The following CCDC126 variants were observed in gnomAD, a reference collection of about 807,000 sequenced individuals.
CCDC126 encodes the protein coiled-coil domain-containing protein 126.
In CCDC126, 5 loss-of-function variants were observed where a neutral mutation model predicts 11.7. The observed-to-expected ratio is 0.43, with a 90% confidence interval of 0.22 to 0.90. The LOEUF is 0.90. Ranked by LOEUF, CCDC126 falls within the 40% of genes least tolerant of loss-of-function variation. CCDC126 has a pLI of 0.27. For synonymous variants in CCDC126, 60 were observed against 61.9 expected, an observed-to-expected ratio of 0.97 and a Z score of 0.14; for missense variants, 150 against 163.1, an observed-to-expected ratio of 0.92 and a Z score of 0.44.
At chr7:23,626,019 T>C (rs1370101375) in intron 3 of CCDC126, among the ~76,000 whole-genome samples, 1 of 133,666 alleles carries the variant, frequency 7.5e-6, no homozygotes, top group Non-Finnish European at 1.7e-5. Flanking sequence ...TCTTTTGATT[T>C]TCAGTTGCCT....
intron 2 of CCDC126, among the ~76,000 whole-genome samples, chr7:23,609,454 A>G (rs1350744909): frequency 6.6e-6 from 1 of 152,116 alleles, no homozygotes; most frequent in African/African-American, 2.4e-5. Flanking sequence ...TACAGGTGTG[A>G]GCCACCATGC....
intron 3 of CCDC126, among the ~76,000 whole-genome samples, chr7:23,627,699 A>G (rs921679277): frequency 6.6e-6 from 1 of 152,110 alleles, no homozygotes; most frequent in African/African-American, 2.4e-5. Context: ...CCTGGGCTCA[A>G]GTGATCCTCC....
rs191258717 is a variant in CCDC126 at position 23,634,522 on chromosome 7, A to G, written c.239-8409A>G. Among the ~76,000 whole-genome samples, 3 of 152,362 alleles carry G rather than the reference A, an allele frequency of 2.0e-5. No homozygotes were observed. The East Asian group carries it at 5.8e-4, about 29-fold the overall frequency. On this transcript the variant is annotated intron_variant, in intron 3 of 3. Coordinates refer to ENST00000307471, the MANE Select transcript of CCDC126 (RefSeq NM_138771.4). Reference sequence around the variant, plus strand: ...ATGTGACATAAGTAGGGGGTCTGCAAGAGCATGTGTGCTTATGTTTGTGCC... The same window carrying G: ...ATGTGACATAAGTAGGGGGTCTGCAGGAGCATGTGTGCTTATGTTTGTGCC...
At chr7:23,617,720 C>T (rs1010632683) in intron 3 of CCDC126, among the ~76,000 whole-genome samples, 3 of 152,220 alleles carry the variant, frequency 2.0e-5, no homozygotes, top group African/African-American at 7.2e-5. Flanking sequence ...GCCACTTTCA[C>T]TTCTGATCAA....
At chr7:23,634,735 C>G (rs1476442196) in intron 3 of CCDC126, among the ~76,000 whole-genome samples, 1 of 152,016 alleles carries the variant, frequency 6.6e-6, no homozygotes, top group Non-Finnish European at 1.5e-5. Context: ...GTATTTTTTC[C>G]CCTCCGTCTC....
At chr7:23,636,797 C>A (rs1783231703) in intron 3 of CCDC126, among the ~76,000 whole-genome samples, 1 of 137,276 alleles carries the variant, frequency 7.3e-6, no homozygotes, top group Non-Finnish European at 1.6e-5. Flanking sequence ...CCCGCCCGGC[C>A]AGCCGCCCCG....
At chr7:23,600,256 GA>G (rs1190152093) in intron 2 of CCDC126, among the ~76,000 whole-genome samples, 1 of 151,748 alleles carries the variant, frequency 6.6e-6, no homozygotes, top group East Asian at 1.9e-4. Context: ...AAAATGATCT[GA>G]TATCTTGACA....
chr7:23,633,387 A>G (rs1422907171), intron 3 of CCDC126, among the ~76,000 whole-genome samples: 1 of 151,782 alleles, frequency 6.6e-6, no homozygotes, highest in Non-Finnish European at 1.5e-5. Flanking sequence ...TATTAAAAAT[A>G]CAAAAGATTA....
intron 2 of CCDC126, among the ~76,000 whole-genome samples, chr7:23,603,035 A>G (rs1392561057): frequency 1.2e-4 from 18 of 152,200 alleles, no homozygotes. Flanking sequence ...AACTGCATGT[A>G]GTAAAGGTTG....
intron 2 of CCDC126, among the ~76,000 whole-genome samples, chr7:23,602,822 A>G (rs1296379087): frequency 6.6e-6 from 1 of 151,746 alleles, no homozygotes; most frequent in African/African-American, 2.4e-5. Context: ...GCAGTTTATC[A>G]CAAACTGAGA....
chr7:23,600,375 C>CCG (rs1554359055), intron 2 of CCDC126, among the ~76,000 whole-genome samples: 6 of 56,152 alleles, frequency 1.1e-4, no homozygotes, highest in African/African-American at 3.9e-4. Flanking sequence ...TCTGTGTTAA[C>CCG]CCCCCCCCCC....
rs560014914 is a variant in CCDC126 at position 23,625,013 on chromosome 7, T to G, written c.238+13460T>G. Among the ~76,000 whole-genome samples the G allele has an allele frequency of 1.2e-3, 180 of 152,196 alleles. 1 individual carries two copies. Among genetic ancestry groups the G allele is most frequent in the African/African-American group, 3.7e-3 (153 of 41,524 alleles). On this transcript the variant is annotated intron_variant, in intron 3 of 3. Coordinates refer to ENST00000307471, the MANE Select transcript of CCDC126 (RefSeq NM_138771.4). The stretch of plus-strand genomic sequence containing the variant: ...GTGCTCCACCCTGCCGGGCTAATTT[T>G]TTGTTGTTGTTGTTGAGTCAGGGTC...
At chr7:23,623,140 ATTT>A (rs34633589) in intron 3 of CCDC126, among the ~76,000 whole-genome samples, 11 of 135,248 alleles carry the variant, frequency 8.1e-5, no homozygotes, top group East Asian at 2.2e-4. Context: ...TGCCCAGCTG[ATTT>A]TTTTTTTTTT....
rs564831727 is a variant in CCDC126 at position 23,605,998 on chromosome 7, G to C, written c.-145-5173G>C. ...TTGTTTTCTGTTTTTTTTTGTGTGT[G>C]TGTGTGTGTGATAACTATCCTAATG... On this transcript the variant is annotated intron_variant, in intron 2 of 3. Transcript: ENST00000307471. 1.4e-3 allele frequency among the ~76,000 whole-genome samples: 214 copies of C among 151,828 alleles called. 1 individual carries two copies. The highest frequency in any genetic ancestry group is 5.0e-3 in the African/African-American group (206 of 41,266).
intron 3 of CCDC126, among the ~76,000 whole-genome samples, chr7:23,625,566 AT>A (rs1212783955): frequency 6.8e-6 from 1 of 147,120 alleles, no homozygotes; most frequent in African/African-American, 2.5e-5. Context: ...GGCTGTTTGT[AT>A]TTCTTGTACA....
intron 3 of CCDC126, among the ~76,000 whole-genome samples, chr7:23,620,565 A>G (rs1003992920): frequency 6.8e-6 from 1 of 147,758 alleles, no homozygotes; most frequent in African/African-American, 2.5e-5. Flanking sequence ...TTTGCTGTGC[A>G]GAAGCTCTTT....
intron 3 of CCDC126, among the ~76,000 whole-genome samples, chr7:23,620,513 T>C (rs1214607870): frequency 6.6e-6 from 1 of 152,118 alleles, no homozygotes; most frequent in Non-Finnish European, 1.5e-5. Context: ...AAAAATTTTC[T>C]CCCATTTTGT....
In CCDC126 at chr7:23,611,539, C is replaced by T; in HGVS notation, c.224C>T (p.Ser75Phe). The T allele has an allele frequency of 6.2e-7, 1 of 1,603,040 alleles. No homozygotes were observed. Among genetic ancestry groups the T allele is most frequent in the Non-Finnish European group, 8.5e-7 (1 of 1,169,952 alleles). Reference sequence around the variant, plus strand: ...ACAGTGGATGTCGAGAACGGTGCTTCTATGGCAGGATATGGTAAGATAACC... The same window carrying T: ...ACAGTGGATGTCGAGAACGGTGCTTTTATGGCAGGATATGGTAAGATAACC... ...KNTVDVENGASMAGYADLKRT... is the reference protein window; with the variant it reads ...KNTVDVENGAFMAGYADLKRT... Residue 75 changes from serine to phenylalanine, a missense_variant, in exon 3 of 4, where the codon TCT becomes TTT. Physicochemically the swap from Ser to Phe is radical, Grantham distance 155. Transcript: ENST00000307471.
Position 23,611,356 on chromosome 7 carries a change from T to A in CCDC126, c.41T>A (p.Leu14Ter). 6.2e-7 allele frequency: 1 copy of A among 1,613,600 alleles called. No individual in the cohort carries two copies. Among genetic ancestry groups the A allele is most frequent in the Non-Finnish European group, 8.5e-7 (1 of 1,179,668 alleles). The change falls in exon 3 of 4, where the codon TTG becomes TAG. Residue 14 changes from leucine to a stop codon, truncating the protein, a stop_gained. Coordinates refer to ENST00000307471, the MANE Select transcript of CCDC126 (RefSeq NM_138771.4). LOFTEE classifies it high-confidence loss of function. Reference protein sequence around the residue: ...TISRKNMSQKLSLLLLVFGLI... With the variant: ...TISRKNMSQK ...TCAAGAAAAAATATGTCCCAGAAATTGAGTTTACTGTTGCTTGTATTTGGA... is the reference window on the plus strand; with the variant it reads ...TCAAGAAAAAATATGTCCCAGAAATAGAGTTTACTGTTGCTTGTATTTGGA...
Sources: allele counts gnomAD v4.1 joint callset (sites outside exome capture counted in the v4.1 genomes callset), GRCh38; gene constraint gnomAD v4.1.1; transcripts MANE v1.5; gene names NCBI Gene and HGNC (gene_info 2026-07-23, HGNC 2026-07-21).